MARCHF8: variants seen among roughly 807,000 people sequenced by gnomAD.
MARCHF8 encodes the protein E3 ubiquitin-protein ligase MARCHF8.
MARCHF8 carries 40 observed loss-of-function variants against 51.6 expected under a neutral mutation model. That is an observed-to-expected ratio of 0.77 (90% CI 0.60 to 1.01). MARCHF8 has a LOEUF of 1.01. MARCHF8 is among the 50% of genes least tolerant of loss of function. The pLI, the probability that MARCHF8 is intolerant of heterozygous loss-of-function variation, is 0.00. For synonymous variants in MARCHF8, 263 were observed against 280.3 expected, an observed-to-expected ratio of 0.94 and a Z score of 0.62; for missense variants, 685 against 708.6, an observed-to-expected ratio of 0.97 and a Z score of 0.38.
chr10:45,489,893 T>G (rs2043052151), intron 2 of MARCHF8, among the ~76,000 whole-genome samples: 2 of 152,134 alleles, frequency 1.3e-5, no homozygotes, highest in African/African-American at 4.8e-5. Flanking sequence ...GCTAACAAAG[T>G]GCTGAATACT....
chr10:45,527,051 T>C (rs2043805982), intron 2 of MARCHF8, among the ~76,000 whole-genome samples: 2 of 152,234 alleles, frequency 1.3e-5, no homozygotes, highest in Admixed American at 1.3e-4. Context: ...AAGATGGAAG[T>C]TTAAAAATTT....
intron 1 of MARCHF8, among the ~76,000 whole-genome samples, chr10:45,572,276 G>A (rs1439480257): frequency 1.3e-5 from 2 of 150,892 alleles, no homozygotes; most frequent in Non-Finnish European, 2.9e-5. Context: ...TTCCTGGGGG[G>A]CAAGCACCCC....
In MARCHF8 at chr10:45,463,415, T is replaced by C. The variant is rs1251446648; in HGVS notation, c.824A>G (p.His275Arg). Reference protein sequence around the residue: ...LSHGLSASSLHRFHELESCAA... With the variant: ...LSHGLSASSLRRFHELESCAA... Reference sequence around the variant, plus strand: ...GCAGCTCTCCAGCTCATGGAACCTGTGCAGGCTGCTGGCGCTCAAGCCGTG... The same window carrying C: ...GCAGCTCTCCAGCTCATGGAACCTGCGCAGGCTGCTGGCGCTCAAGCCGTG... Residue 275 changes from histidine (H) to arginine (R), a missense_variant, in exon 5 of 8, where the codon CAC becomes CGC. His to Arg is a conservative substitution (Grantham distance 29). Transcript: ENST00000453424. 18 of 1,550,512 alleles carry C rather than the reference T, an allele frequency of 1.2e-5. No homozygotes were observed. The East Asian group carries it at 3.4e-4, about 29-fold the overall frequency.
chr10:45,520,684 G>A (rs951472005), intron 2 of MARCHF8, among the ~76,000 whole-genome samples: 9 of 152,210 alleles, frequency 5.9e-5, no homozygotes, highest in Admixed American at 3.3e-4. Context: ...TCTACCACAC[G>A]AGGGGGCGTG....
intron 2 of MARCHF8, among the ~76,000 whole-genome samples, chr10:45,524,821 A>G (rs939504989): frequency 1.3e-5 from 2 of 152,092 alleles, no homozygotes; most frequent in Admixed American, 1.3e-4. Context: ...AAAAAAAAGC[A>G]CAAAACAACC....
chr10:45,493,032 G>A (rs983764240), intron 2 of MARCHF8, among the ~76,000 whole-genome samples: 1 of 152,196 alleles, frequency 6.6e-6, no homozygotes, highest in Non-Finnish European at 1.5e-5. Context: ...GATTAGGGAC[G>A]CTCAACGTGT....
chr10:45,476,353 T>TA (rs1017752888), intron 3 of MARCHF8, among the ~76,000 whole-genome samples: 1 of 152,138 alleles, frequency 6.6e-6, no homozygotes, highest in Non-Finnish European at 1.5e-5. Flanking sequence ...TGCTTGAGGC[T>TA]AGGAGTTCGA....
intron 1 of MARCHF8, among the ~76,000 whole-genome samples, chr10:45,557,224 G>A (rs1295871099): frequency 6.7e-6 from 1 of 148,754 alleles, no homozygotes; most frequent in Admixed American, 6.8e-5. Flanking sequence ...GCCTCCCTGG[G>A]TCAAGCGATT....
Position 45,455,835 on chromosome 10 carries a change from G to C in MARCHF8, c.*2404C>G, listed in dbSNP as rs1842585352. 6.6e-6 allele frequency: 1 copy of C among 152,404 alleles called. No individual in the cohort carries two copies. Among genetic ancestry groups the C allele is most frequent in the Admixed American group, 6.5e-5 (1 of 15,288 alleles). The allele number at this position is 152,404 out of a possible 1,614,324, so 9.4% of individuals were successfully genotyped here. A position where few individuals can be genotyped will look rare whatever the true frequency, so the allele number is the denominator to read the frequency against. ...TGTCCACAGTGAGGCCAGAAACGAT[G>C]AGATGGTGTTAGGCAGAAAAGAAGG... On this transcript the variant is annotated 3_prime_UTR_variant, in exon 8 of 8. Transcript: ENST00000453424.
chr10:45,586,628 C>A (rs968651632), intron 1 of MARCHF8, among the ~76,000 whole-genome samples: 1 of 152,236 alleles, frequency 6.6e-6, no homozygotes, highest in South Asian at 2.1e-4. Flanking sequence ...TACATCCTCA[C>A]CAACACTTGG....
intron 1 of MARCHF8, among the ~76,000 whole-genome samples, chr10:45,550,222 C>G (rs146245379): frequency 2.2e-4 from 34 of 152,198 alleles, no homozygotes; most frequent in African/African-American, 8.2e-4. Flanking sequence ...AAAAGGTGCT[C>G]AACTCTATTT....
intron 2 of MARCHF8, among the ~76,000 whole-genome samples, 200 bp downstream of exon 2, chr10:45,532,909 AT>A (rs1000867834): frequency 2.6e-5 from 4 of 152,334 alleles, no homozygotes; most frequent in African/African-American, 7.2e-5. Context: ...ATTTATAACC[AT>A]TTATAAACAG....
At chr10:45,549,420 C>G (rs929607392) in intron 1 of MARCHF8, among the ~76,000 whole-genome samples, 2 of 152,204 alleles carry the variant, frequency 1.3e-5, no homozygotes, top group African/African-American at 4.8e-5. Context: ...CTGGGCTCAG[C>G]AGGGAAGGCA....
intron 3 of MARCHF8, among the ~76,000 whole-genome samples, chr10:45,473,440 T>G (rs1281153538): frequency 6.6e-6 from 1 of 152,238 alleles, no homozygotes; most frequent in Non-Finnish European, 1.5e-5. Context: ...TTCCACTGCC[T>G]TCTCCCTGGG....
intron 1 of MARCHF8, among the ~76,000 whole-genome samples, chr10:45,569,116 T>C (rs1328249933): frequency 6.6e-6 from 1 of 151,352 alleles, no homozygotes; most frequent in Non-Finnish European, 1.5e-5. Flanking sequence ...CATAATGTTT[T>C]AAGAAAGTTT....
chr10:45,538,272 G>A (rs187994954), upstream of MARCHF8, among the ~76,000 whole-genome samples: 171 of 152,332 alleles, frequency 1.1e-3, no homozygotes, highest in African/African-American at 3.8e-3. Context: ...AATGCTGAGA[G>A]ATTTTGTCAC....
intron 2 of MARCHF8, among the ~76,000 whole-genome samples, chr10:45,519,333 T>C (rs144080303): frequency 1.3e-5 from 2 of 152,340 alleles, no homozygotes; most frequent in East Asian, 3.9e-4. Flanking sequence ...ATACAGATGC[T>C]AGTTTCTTGT....
intron 2 of MARCHF8, among the ~76,000 whole-genome samples, chr10:45,520,840 A>G (rs187225216): frequency 1.3e-5 from 2 of 152,340 alleles, no homozygotes; most frequent in East Asian, 3.9e-4. Context: ...TAATTGGAAT[A>G]TTTTCTATGA....
chr10:45,469,413 G>A (rs1463818059), intron 3 of MARCHF8, among the ~76,000 whole-genome samples: 1 of 152,196 alleles, frequency 6.6e-6, no homozygotes, highest in Non-Finnish European at 1.5e-5. Flanking sequence ...ACTTTGGGAT[G>A]ACAGGTAAAG....
Sources: gnomAD v4.1 joint callset for allele counts (sites outside exome capture counted in the v4.1 genomes callset) on GRCh38, gnomAD v4.1.1 for gene constraint, MANE v1.5 for transcripts, NCBI Gene and HGNC (gene_info 2026-07-23, HGNC 2026-07-21) for gene names.